OAS3: variants seen among roughly 807,000 people sequenced by gnomAD.
OAS3 encodes 2'-5'-oligoadenylate synthetase 3.
Under a neutral mutation model 113.0 loss-of-function variants are expected in OAS3, and 107 were observed. The ratio of observed to expected loss-of-function variants is 0.95; its 90% CI spans 0.81 to 1.11. The LOEUF is 1.11. OAS3 is among the 50% of genes most tolerant of loss of function. The pLI, the probability that OAS3 is intolerant of heterozygous loss-of-function variation, is 0.00. For synonymous variants in OAS3, 552 were observed against 573.6 expected (o/e 0.96, Z 0.54); for missense variants, 1,258 against 1,389.1 (o/e 0.91, Z 1.50).
chr12:112,941,569 G>T lies in OAS3; in HGVS notation c.178-1G>T. 1 of 1,610,724 alleles carries T rather than the reference G, an allele frequency of 6.2e-7. No homozygotes were observed. The highest frequency in any genetic ancestry group is 1.7e-5 in the Admixed American group (1 of 59,884). On this transcript the variant is annotated splice_acceptor_variant, in intron 1 of 15. Coordinates refer to ENST00000228928, the MANE Select transcript of OAS3 (RefSeq NM_006187.4). LOFTEE classifies it high-confidence loss of function. Reference sequence around the variant, plus strand: ...ATTCTGAGTTATTTTTCTTTGCCCAGGGAGGCTCCTCGGGCCGGGGCACAG... The same window carrying T: ...ATTCTGAGTTATTTTTCTTTGCCCATGGAGGCTCCTCGGGCCGGGGCACAG...
intron 2 of OAS3, 46 bp downstream of exon 2, chr12:112,941,898 T>C: frequency 6.2e-7 from 1 of 1,612,522 alleles, no homozygotes; most frequent in African/African-American, 1.3e-5. Flanking sequence ...AAAAGATCAT[T>C]GGGAACAACA....
intron 7 of OAS3, among the ~76,000 whole-genome samples, chr12:112,957,892 G>A (rs1341926840): frequency 6.6e-6 from 1 of 152,154 alleles, no homozygotes. Context: ...TGCCTTGCTA[G>A]GTTGGGGAAG....
chr12:112,953,500 C>A (rs903748176), intron 7 of OAS3, among the ~76,000 whole-genome samples: 1 of 152,162 alleles, frequency 6.6e-6, no homozygotes, highest in Admixed American at 6.6e-5. Context: ...TGGGTATATA[C>A]CCGGTAATGG....
chr12:112,942,108 G>T (rs547109097), intron 2 of OAS3: 4 of 599,928 alleles, frequency 6.7e-6, no homozygotes, highest in Admixed American at 5.9e-5. Context: ...GTTTCCCTCA[G>T]CCACTGCCTG....
At position 112,963,651 on chromosome 12, in the gene OAS3, C is replaced by G. The variant is rs1383789384; in HGVS notation, c.2229+194C>G. ...CGTCCCAGCCAGTGCCTGAGTGACA[C>G]AGGGTTACAAAAAGCCTAACTCTGT... is the stretch of plus-strand genomic sequence containing the variant. On this transcript the variant is annotated intron_variant, in intron 10 of 15. Coordinates refer to ENST00000228928, the MANE Select transcript of OAS3 (RefSeq NM_006187.4). The surrounding 1 kb of genome is among the most constrained non-coding windows in gnomAD (Gnocchi z 4.6). 6.6e-6 allele frequency among the ~76,000 whole-genome samples: 1 copy of G among 152,208 alleles called. No homozygotes were observed. Among genetic ancestry groups the G allele is most frequent in the Non-Finnish European group, 1.5e-5 (1 of 68,038 alleles).
At position 112,968,131 on chromosome 12, in the gene OAS3, A is replaced by G; in HGVS notation, c.3061A>G (p.Lys1021Glu). 1 of 1,613,958 alleles carries G rather than the reference A, an allele frequency of 6.2e-7. No homozygotes were observed. Among genetic ancestry groups the G allele is most frequent in the East Asian group, 2.2e-5 (1 of 44,868 alleles). The change falls in exon 14 of 16, where the codon AAG becomes GAG. Residue 1021 changes from lysine to glutamate, a missense_variant. Physicochemically the swap from Lys to Glu is moderately conservative, Grantham distance 56. Transcript: ENST00000228928. ...YWTINYNAKD[K>E]TVGDFLKQQL... The stretch of plus-strand genomic sequence containing the variant: ...GACCATCAACTACAACGCCAAGGAC[A>G]AGACTGTTGGAGACTTCCTGAAACA...
chr12:112,948,858 C>T lies in OAS3; in HGVS notation c.1030-3C>T. On this transcript the variant is annotated splice_polypyrimidine_tract_variant and splice_region_variant and intron_variant, in intron 5 of 15. Transcript: ENST00000228928. ...TGAGGCAGCTCCTTCAATGACCTTCCAGGGCCTTCCACGTGCTGGATGCTC... is the reference window on the plus strand; with the variant it reads ...TGAGGCAGCTCCTTCAATGACCTTCTAGGGCCTTCCACGTGCTGGATGCTC... 1 of 1,557,872 alleles carries T rather than the reference C, an allele frequency of 6.4e-7. No homozygotes were observed.
At chr12:112,944,400 T>C in intron 2 of OAS3, 76 bp from the exon 3 acceptor site, 1 of 1,533,008 alleles carries the variant, frequency 6.5e-7, no homozygotes, top group Non-Finnish European at 9.0e-7. Flanking sequence ...CGCCCCAGGC[T>C]GAGCTCGGCA....
intron 6 of OAS3, among the ~76,000 whole-genome samples, chr12:112,950,213 C>T (rs2043776241): frequency 6.6e-6 from 1 of 151,898 alleles, no homozygotes; most frequent in South Asian, 2.1e-4. Context: ...CTGCAACAAA[C>T]ATTTAGTGAG....
At position 112,950,684 on chromosome 12, in the gene OAS3, C is replaced by T. The variant is rs978313338; in HGVS notation, c.1375-9C>T. On this transcript the variant is annotated splice_polypyrimidine_tract_variant and intron_variant, in intron 6 of 15. Coordinates refer to ENST00000228928, the MANE Select transcript of OAS3 (RefSeq NM_006187.4). ...GGGTCCCTGATCTGAGCTGTTCTTC[C>T]CTCCACAGGGGGGCTCATTTGGCCG... The T allele has an allele frequency of 6.2e-7, 1 of 1,613,692 alleles. No homozygotes were observed. The highest frequency in any genetic ancestry group is 1.3e-5 in the African/African-American group (1 of 75,032).
intron 7 of OAS3, among the ~76,000 whole-genome samples, chr12:112,959,422 C>T (rs865877804): frequency 1.3e-5 from 2 of 152,190 alleles, no homozygotes; most frequent in Non-Finnish European, 1.5e-5. Flanking sequence ...CACCCATCTT[C>T]TGTGTCACTC....
At chr12:112,938,901 C>A (rs951587818) in intron 1 of OAS3, among the ~76,000 whole-genome samples, 194 bp downstream of exon 1, 1 of 152,174 alleles carries the variant, frequency 6.6e-6, no homozygotes, top group Non-Finnish European at 1.5e-5. Flanking sequence ...CTCTTAAGCC[C>A]GCTTGACAGA....
At chr12:112,968,219 A>G (rs2136362932) in intron 14 of OAS3, 45 bp downstream of exon 14, 1 of 1,572,852 alleles carries the variant, frequency 6.4e-7, no homozygotes. Context: ...ACCTGGGATC[A>G]CTCACTCTCC....
intron 4 of OAS3, among the ~76,000 whole-genome samples, chr12:112,947,441 C>T (rs7961128): frequency 0.58 from 88,849 of 152,082 alleles, 26,573 homozygotes; most frequent in East Asian, 0.9. Context: ...TCTGGCTTCT[C>T]GTTCTGTTCT....
intron 6 of OAS3, among the ~76,000 whole-genome samples, chr12:112,949,615 A>C (rs563658409): frequency 2.6e-4 from 39 of 152,226 alleles, no homozygotes; most frequent in Non-Finnish European, 5.4e-4. Context: ...AGAAAATGAG[A>C]ATTCTCTTCC....
chr12:112,970,821 T>C lies in OAS3; in HGVS notation c.*848T>C, dbSNP rs2043977588. 1 of 152,252 alleles carries C rather than the reference T, an allele frequency of 6.6e-6. No homozygotes were observed. Among genetic ancestry groups the C allele is most frequent in the Non-Finnish European group, 1.5e-5 (1 of 68,050 alleles). 9.4% of individuals were successfully genotyped at this position (152,252 alleles called of 1,614,324 possible). Reference sequence around the variant, plus strand: ...TGCCTCTTCATGAGAGGCCTCCTTTTCTTCACCTTTTATGCTGCACTCCTC... The same window carrying C: ...TGCCTCTTCATGAGAGGCCTCCTTTCCTTCACCTTTTATGCTGCACTCCTC... On this transcript the variant is annotated 3_prime_UTR_variant, in exon 16 of 16. Coordinates refer to ENST00000228928, the MANE Select transcript of OAS3 (RefSeq NM_006187.4).
chr12:112,972,711 A>G lies in OAS3; in HGVS notation c.*2738A>G, dbSNP rs1439975442. 6.6e-6 allele frequency: 1 copy of G among 152,170 alleles called. No individual in the cohort carries two copies. Among genetic ancestry groups the G allele is most frequent in the Non-Finnish European group, 1.5e-5 (1 of 68,036 alleles). 9.4% of individuals were successfully genotyped at this position (152,170 alleles called of 1,614,324 possible). ...CTCTTTCCAAGACTCTGGGGAAAAAAGTAGTAAAAAGCTAAATGCAATCAA... is the reference window on the plus strand; with the variant it reads ...CTCTTTCCAAGACTCTGGGGAAAAAGGTAGTAAAAAGCTAAATGCAATCAA... On this transcript the variant is annotated 3_prime_UTR_variant, in exon 16 of 16. Transcript: ENST00000228928.
chr12:112,966,260 C>T (rs2043933612), intron 12 of OAS3, among the ~76,000 whole-genome samples: 1 of 152,210 alleles, frequency 6.6e-6, no homozygotes, highest in Admixed American at 6.5e-5. Context: ...AGCTGGGTTC[C>T]AGTCTGAGCA....
At chr12:112,948,245 C>T in intron 5 of OAS3, 146 bp downstream of exon 5, 2 of 784,860 alleles carry the variant, frequency 2.5e-6, no homozygotes, top group Non-Finnish European at 3.6e-6. Context: ...CCTGTAATCT[C>T]AACACATTGG....
Sources: allele counts gnomAD v4.1 joint callset (sites outside exome capture counted in the v4.1 genomes callset), GRCh38; gene constraint gnomAD v4.1.1; non-coding constraint Gnocchi (gnomAD v3.1); transcripts MANE v1.5; gene names NCBI Gene and HGNC (gene_info 2026-07-23, HGNC 2026-07-21).